Variants in PRB2 observed in about 807,000 individuals in gnomAD.
PRB2 encodes proline rich protein BstNI subfamily 2, also known as basic salivary proline-rich protein 2.
PRB2 carries 12 observed loss-of-function variants against 8.3 expected under a neutral mutation model. The observed-to-expected ratio is 1.45, with a 90% CI of 0.93 to 2.35. The LOEUF (loss-of-function observed/expected upper bound fraction) is 2.35. Ranked by LOEUF, PRB2 falls within the 30% of genes most tolerant of loss-of-function variation. The probability of loss-of-function intolerance (pLI) is 0.00; values close to 1 mark genes in which losing one functional copy is unlikely to be tolerated. For missense variants in PRB2, 470 were observed against 507.0 expected (o/e 0.93, Z 0.70); for synonymous variants, 146 against 180.0 (o/e 0.81, Z 1.51).
Position 11,393,008 on chromosome 12 carries a change from C to G in PRB2, c.1070G>C (p.Arg357Pro), listed in dbSNP as rs199917918. ...GPPPQGGSKSRSARSPPGKPQ... is the reference protein window; with the variant it reads ...GPPPQGGSKSPSARSPPGKPQ... ...CTTTCCTGGAGGAGATCGGGCACTT[C>G]GGGACTTGCTGCCTCCTTGTGGGGG... Residue 357 changes from arginine (R) to proline (P), a missense_variant, in exon 3 of 4, where the codon CGA (arginine) becomes CCA (proline). This residue lies in a region of PRB2 where 205 missense variants were observed against 195.0 expected (regional missense o/e 1.05). Coordinates refer to ENST00000389362, the MANE Select transcript of PRB2 (RefSeq NM_006248.4). The G allele has an allele frequency of 8.8e-6, 14 of 1,594,804 alleles. No homozygotes were observed. The South Asian group carries it at 1.5e-4, about 17-fold the overall frequency.
In PRB2 at chr12:11,393,637, G is replaced by A; in HGVS notation, c.441C>T (p.Gly147=). Residue 147 remains glycine (G), a synonymous_variant, in exon 3 of 4, where the codon GGC becomes GGT. Coordinates refer to ENST00000389362, the MANE Select transcript of PRB2 (RefSeq NM_006248.4). ...GKPQGPPPQG[G]NKPQGPPPPG... ...GAGGTGGGGGACCTTGAGGTTTGTTGCCTCCTTGTGGGGGTGGTCCTTGTG... is the reference window on the plus strand; with the variant it reads ...GAGGTGGGGGACCTTGAGGTTTGTTACCTCCTTGTGGGGGTGGTCCTTGTG... The A allele has an allele frequency of 6.5e-7, 1 of 1,539,124 alleles. No homozygotes were observed. The highest frequency in any genetic ancestry group is 8.7e-7 in the Non-Finnish European group (1 of 1,147,284).
intron 2 of PRB2, 141 bp from the exon 3 acceptor site, chr12:11,394,118 T>G: frequency 8.1e-7 from 1 of 1,231,290 alleles, no homozygotes; most frequent in Non-Finnish European, 1.2e-6. Flanking sequence ...TTAATTTCTT[T>G]GCATTTCAGT....
rs1864366817 is a variant in PRB2, at chr12:11,393,962, G to A, written c.116C>T (p.Ala39Val). 1 of 1,600,436 alleles carries A rather than the reference G, an allele frequency of 6.2e-7. No individual in the cohort carries two copies. The highest frequency in any genetic ancestry group is 8.5e-7 in the Non-Finnish European group (1 of 1,171,636). ...AGGTTTGTTGCCTCCTTGTGGGGGT[G>A]CTCCTTGTGGATTTCCTGGAGAACA... is the stretch of plus-strand genomic sequence containing the variant. ...PSLIAGNPQG[A>V]PPQGGNKPQG... is the part of the protein sequence containing the mutation. Residue 39 changes from alanine (A) to valine (V), a missense_variant, in exon 3 of 4, where the codon GCA becomes GTA. By Grantham distance (64) the Ala-to-Val change is moderately conservative (BLOSUM62 0). Transcript: ENST00000389362.
At chr12:11,394,782 TA>T (rs1259687005) in intron 1 of PRB2, among the ~76,000 whole-genome samples, 2 of 152,122 alleles carry the variant, frequency 1.3e-5, no homozygotes. Context: ...CCTCAAGACT[TA>T]ATGCTAATTT....
rs1864366817 is a variant in PRB2 at position 11,393,962 on chromosome 12, G to T, written c.116C>A (p.Ala39Glu). The T allele has an allele frequency of 6.2e-7, 1 of 1,600,436 alleles. No individual in the cohort carries two copies. The highest frequency in any genetic ancestry group is 2.3e-5 in the East Asian group (1 of 43,542). The change falls in exon 3 of 4, where the codon GCA (alanine) becomes GAA (glutamate). Residue 39 changes from alanine (A) to glutamate (E), a missense_variant. Around this residue, in one of 4 missense-constraint regions of PRB2, gnomAD observed 211 missense variants for 207.7 expected, o/e 1.02. Coordinates refer to ENST00000389362, the MANE Select transcript of PRB2 (RefSeq NM_006248.4). ...AGGTTTGTTGCCTCCTTGTGGGGGT[G>T]CTCCTTGTGGATTTCCTGGAGAACA... ...PSLIAGNPQG[A>E]PPQGGNKPQG...
intron 2 of PRB2, 146 bp downstream of exon 2, chr12:11,394,349 T>C: frequency 9.6e-7 from 1 of 1,046,140 alleles, no homozygotes; most frequent in Non-Finnish European, 1.5e-6. Context: ...AGAATCAAGG[T>C]TGCATGAAGA....
Position 11,391,671 on chromosome 12 carries a change from T to A in PRB2, c.*34-23A>T, listed in dbSNP as rs567564078. 81 of 428,604 alleles carry A rather than the reference T, an allele frequency of 1.9e-4. 3 individuals carry two copies. The highest frequency in any genetic ancestry group is 3.3e-4 in the Non-Finnish European group (71 of 215,294). 26.6% of individuals were successfully genotyped at this position (428,604 alleles called of 1,614,324 possible). The stretch of plus-strand genomic sequence containing the variant: ...TTCCTGAAACAAACAAACAAGGAAG[T>A]TCATAGACCAGACTTGACATGGCAG... On this transcript the variant is annotated intron_variant, in intron 3 of 3. Transcript: ENST00000389362.
In PRB2 at chr12:11,393,359, C is replaced by T. The variant is rs758765379; in HGVS notation, c.719G>A (p.Gly240Glu). 2 of 1,588,368 alleles carry T rather than the reference C, an allele frequency of 1.3e-6. No individual in the cohort carries two copies. The highest frequency in any genetic ancestry group is 1.7e-5 in the Admixed American group (1 of 57,786). ...NKSQSARSPPGKPQGPPPQGG... is the reference protein window; with the variant it reads ...NKSQSARSPPEKPQGPPPQGG... Reference sequence around the variant, plus strand: ...TTGTGGGGGTGGTCCTTGTGGCTTTCCTGGAGGAGATCGGGCACTTTGGGA... The same window carrying T: ...TTGTGGGGGTGGTCCTTGTGGCTTTTCTGGAGGAGATCGGGCACTTTGGGA... The change falls in exon 3 of 4, where the codon GGA becomes GAA. Residue 240 changes from glycine (G) to glutamate (E), a missense_variant. Transcript: ENST00000389362.
At position 11,395,511 on chromosome 12, in the gene PRB2, A is replaced by C; in HGVS notation, c.19T>G (p.Ser7Ala). MLLILL[S>A]VALLALSSAQ... is the part of the protein sequence containing the mutation. Reference sequence around the variant, plus strand: ...GAGCTCAGGGCCAGCAAGGCCACTGACAGCAGAATCAACAGCATCTTGCAG... The same window carrying C: ...GAGCTCAGGGCCAGCAAGGCCACTGCCAGCAGAATCAACAGCATCTTGCAG... Residue 7 changes from serine to alanine, a missense_variant, in exon 1 of 4, where the codon TCA (serine) becomes GCA (alanine). Physicochemically the swap from Ser to Ala is moderately conservative, Grantham distance 99. Transcript: ENST00000389362. 6 of 1,613,342 alleles carry C rather than the reference A, an allele frequency of 3.7e-6. No homozygotes were observed. Among genetic ancestry groups the C allele is most frequent in the Non-Finnish European group, 5.1e-6 (6 of 1,179,694 alleles).
intron 2 of PRB2, 50 bp downstream of exon 2, chr12:11,394,445 A>T (rs1864376423): frequency 6.3e-7 from 1 of 1,590,218 alleles, no homozygotes; most frequent in South Asian, 1.1e-5. Context: ...TGATCCATTC[A>T]TAAGCAGAAA....
rs397832893 is a variant in PRB2 at position 11,395,453 on chromosome 12, C to A, written c.64+13G>T. 3.1e-6 allele frequency: 5 copies of A among 1,613,850 alleles called. No individual in the cohort carries two copies. The highest frequency in any genetic ancestry group is 4.2e-6 in the Non-Finnish European group (5 of 1,179,810). Reference sequence around the variant, plus strand: ...AAGCAGAGTCACCACATCTTCTCCCCCTTCTGTTTTACCTTCATTTAAGTT... The same window carrying A: ...AAGCAGAGTCACCACATCTTCTCCCACTTCTGTTTTACCTTCATTTAAGTT... On this transcript the variant is annotated intron_variant, in intron 1 of 3. Transcript: ENST00000389362.
At position 11,394,490 on chromosome 12, in the gene PRB2, T is replaced by C. The variant is rs746712049; in HGVS notation, c.100+5A>G. The C allele has an allele frequency of 6.8e-6, 11 of 1,612,998 alleles. No homozygotes were observed. The Admixed American group carries it at 1.3e-4, about 20-fold the overall frequency. ...AGAACAGATTGAGAATGAATCGGGA[T>C]TTACCTGCTATTAGGGAGGGAGATT... is the stretch of plus-strand genomic sequence containing the variant. On this transcript the variant is annotated splice_donor_5th_base_variant and intron_variant, in intron 2 of 3. Transcript: ENST00000389362.
In PRB2 at chr12:11,393,367, A is replaced by T; in HGVS notation, c.711T>A (p.Ser237=). Residue 237 remains serine, a synonymous_variant, in exon 3 of 4, where the codon TCT becomes TCA. Transcript: ENST00000389362. The part of the protein sequence containing the change: ...QGDNKSQSAR[S]PPGKPQGPPP... ...GTGGTCCTTGTGGCTTTCCTGGAGG[A>T]GATCGGGCACTTTGGGACTTGTTGT... The T allele has an allele frequency of 1.9e-6, 3 of 1,584,920 alleles. No individual in the cohort carries two copies. The South Asian group carries it at 3.3e-5, about 18-fold the overall frequency.
At position 11,392,993 on chromosome 12, in the gene PRB2, G is replaced by A; in HGVS notation, c.1085C>T (p.Pro362Leu). Reference sequence around the variant, plus strand: ...GGGTGGTCCTTGTGGCTTTCCTGGAGGAGATCGGGCACTTCGGGACTTGCT... The same window carrying A: ...GGGTGGTCCTTGTGGCTTTCCTGGAAGAGATCGGGCACTTCGGGACTTGCT... ...GGSKSRSARS[P>L]PGKPQGPPQQ... Residue 362 changes from proline (P) to leucine (L), a missense_variant, in exon 3 of 4, where the codon CCT (proline) becomes CTT (leucine). Physicochemically the swap from Pro to Leu is moderately conservative, Grantham distance 98 (BLOSUM62 -3). Around this residue, in one of 4 missense-constraint regions of PRB2, gnomAD observed 205 missense variants for 195.0 expected, o/e 1.05. Coordinates refer to ENST00000389362, the MANE Select transcript of PRB2 (RefSeq NM_006248.4). The A allele has an allele frequency of 6.2e-7, 1 of 1,612,950 alleles. No homozygotes were observed. Among genetic ancestry groups the A allele is most frequent in the South Asian group, 1.1e-5 (1 of 90,874 alleles).
rs576860664 is a variant in PRB2, at chr12:11,393,000, G to A, written c.1078C>T (p.Arg360Ter). The change falls in exon 3 of 4, where the codon CGA becomes TGA. Residue 360 changes from arginine (R) to a stop codon, truncating the protein, a stop_gained. Coordinates refer to ENST00000389362, the MANE Select transcript of PRB2 (RefSeq NM_006248.4). LOFTEE classifies it low-confidence loss of function (END_TRUNC). ...PQGGSKSRSA[R>*]SPPGKPQGPP... ...CCTTGTGGCTTTCCTGGAGGAGATC[G>A]GGCACTTCGGGACTTGCTGCCTCCT... is the stretch of plus-strand genomic sequence containing the variant. The A allele has an allele frequency of 2.4e-5, 38 of 1,612,758 alleles. No homozygotes were observed. Among genetic ancestry groups the A allele is most frequent in the Admixed American group, 8.3e-5 (5 of 59,898 alleles).
chr12:11,394,712 T>C (rs1205713652), intron 1 of PRB2, among the ~76,000 whole-genome samples, 182 bp from the exon 2 acceptor site: 1 of 152,156 alleles, frequency 6.6e-6, no homozygotes, highest in Non-Finnish European at 1.5e-5. Flanking sequence ...AGGGTTGTTA[T>C]GACAGAGCAA....
At position 11,393,556 on chromosome 12, in the gene PRB2, T is replaced by C. The variant is rs199665289; in HGVS notation, c.522A>G (p.Arg174=). 2.2e-5 allele frequency: 35 copies of C among 1,591,850 alleles called. No homozygotes were observed. In the African/African-American group the frequency reaches 4.2e-4, roughly 19 times the overall value. Residue 174 remains arginine, a synonymous_variant, in exon 3 of 4, where the codon CGA becomes CGG. Transcript: ENST00000389362. ...GTCCTTGTGGCTTTCCTGGAGGAGA[T>C]CGAGAACTTCGGGACTTGTTGTCTC... The part of the protein sequence containing the change: ...PQGDNKSRSS[R]SPPGKPQGPP...
chr12:11,394,348 G>A (rs1565418677), intron 2 of PRB2, 147 bp downstream of exon 2: 3 of 1,043,728 alleles, frequency 2.9e-6, no homozygotes, highest in East Asian at 4.9e-5. Context: ...CAGAATCAAG[G>A]TTGCATGAAG....
rs1406802435 is a variant in PRB2 at position 11,393,110 on chromosome 12, C to T, written c.968G>A (p.Gly323Glu). The change falls in exon 3 of 4, where the codon GGA becomes GAA. Residue 323 changes from glycine to glutamate, a missense_variant. Coordinates refer to ENST00000389362, the MANE Select transcript of PRB2 (RefSeq NM_006248.4). ...TTGTGGGGGTGGTCCTTGTGGCTTT[C>T]CTGGAGGAGGTGGGGGACCTTGAGG... Reference protein sequence around the residue: ...NQPQGPPPPPGKPQGPPPQGG... With the variant: ...NQPQGPPPPPEKPQGPPPQGG... The T allele has an allele frequency of 4.5e-6, 7 of 1,560,898 alleles. No individual in the cohort carries two copies. The highest frequency in any genetic ancestry group is 6.0e-6 in the Non-Finnish European group (7 of 1,160,178).
Sources: gnomAD v4.1 joint callset for allele counts (sites outside exome capture counted in the v4.1 genomes callset) on GRCh38, gnomAD v4.1.1 for gene constraint, gnomAD v4.1.1 regional missense constraint, MANE v1.5 for transcripts, NCBI Gene and HGNC (gene_info 2026-07-23, HGNC 2026-07-21) for gene names.